PRKN: variants seen among roughly 807,000 people sequenced by gnomAD.
The protein encoded by PRKN is parkin RBR E3 ubiquitin protein ligase, also known as E3 ubiquitin-protein ligase parkin.
PRKN carries 56 observed loss-of-function variants against 59.5 expected under a neutral mutation model. That is an observed-to-expected ratio of 0.94 (90% confidence interval 0.76 to 1.18). The LOEUF (loss-of-function observed/expected upper bound fraction) is 1.18, where lower values mean the gene tolerates loss of function less well. PRKN is among the 50% of genes most tolerant of loss of function. The pLI is 0.00. For synonymous variants in PRKN, 250 were observed against 222.1 expected, an observed-to-expected ratio of 1.13 and a Z score of -1.12; for missense variants, 657 against 596.4, an observed-to-expected ratio of 1.10 and a Z score of -1.06.
chr6:162,091,675 G>C (rs1779502528), intron 4 of PRKN, among the ~76,000 whole-genome samples: 2 of 152,110 alleles, frequency 1.3e-5, no homozygotes. Context: ...AGAGAATCCA[G>C]GTATATTTGA....
At chr6:161,666,036 G>T (rs1365626824) in intron 7 of PRKN, among the ~76,000 whole-genome samples, 2 of 152,186 alleles carry the variant, frequency 1.3e-5, no homozygotes, top group Non-Finnish European at 2.9e-5. Context: ...TTCCATCCCA[G>T]CTGGGCGGCT....
intron 1 of PRKN, among the ~76,000 whole-genome samples, chr6:162,539,841 C>T (rs1447771705): frequency 6.6e-6 from 1 of 152,068 alleles, no homozygotes; most frequent in South Asian, 2.1e-4. Context: ...TAAATTAAAC[C>T]CAAAATATCA....
intron 9 of PRKN, among the ~76,000 whole-genome samples, chr6:161,398,950 G>A (rs1172394918): frequency 1.3e-5 from 2 of 152,168 alleles, no homozygotes; most frequent in East Asian, 3.9e-4. Flanking sequence ...ATGGGAACAG[G>A]CATTCCTGTT....
At chr6:162,156,985 C>G (rs1782541748) in intron 4 of PRKN, among the ~76,000 whole-genome samples, 2 of 74,968 alleles carry the variant, frequency 2.7e-5, no homozygotes, top group Non-Finnish European at 5.8e-5. Context: ...TTTATGAATA[C>G]CTGTATACAT....
At chr6:162,668,831 CT>C (rs1779208650) in intron 1 of PRKN, among the ~76,000 whole-genome samples, 2 of 152,094 alleles carry the variant, frequency 1.3e-5, no homozygotes, top group Non-Finnish European at 2.9e-5. Context: ...TTCAGCTGTA[CT>C]TCTTTCCTAT....
Position 161,731,860 on chromosome 6 carries a change from T to C in PRKN, c.871+53912A>G, listed in dbSNP as rs141648549. On this transcript the variant is annotated intron_variant, in intron 7 of 11. Coordinates refer to ENST00000366898, the MANE Select transcript of PRKN (RefSeq NM_004562.3). ...ATTGTGAATATACACACACCAAATA[T>C]AAATATTATGTTAATAACTGTGACG... Among the ~76,000 whole-genome samples, 8 of 152,334 alleles carry C rather than the reference T, an allele frequency of 5.3e-5. No homozygotes were observed. In the East Asian group the frequency reaches 1.5e-3, roughly 29 times the overall value.
At position 162,318,209 on chromosome 6, in the gene PRKN, G is replaced by A. The variant is rs528924763; in HGVS notation, c.172-55444C>T. On this transcript the variant is annotated intron_variant, in intron 2 of 11. Coordinates refer to ENST00000366898, the MANE Select transcript of PRKN (RefSeq NM_004562.3). ...GCTTATTTCACTTCGAATATTTTCC[G>A]AGTTCTTCCATGTCATAGCATGTAT... 7.2e-5 allele frequency among the ~76,000 whole-genome samples: 11 copies of A among 152,040 alleles called. No homozygotes were observed. The South Asian group carries it at 1.9e-3, about 26-fold the overall frequency.
At chr6:162,525,140 T>C (rs1778228710) in intron 1 of PRKN, among the ~76,000 whole-genome samples, 3 of 152,126 alleles carry the variant, frequency 2.0e-5, no homozygotes, top group Admixed American at 6.5e-5. Context: ...CAAGCGCCAG[T>C]TAGTCCTGCT....
At position 161,576,348 on chromosome 6, in the gene PRKN, C is replaced by A. The variant is rs1284303865; in HGVS notation, c.872-6932G>T. Among the ~76,000 whole-genome samples the A allele has an allele frequency of 1.3e-5, 2 of 152,318 alleles. No homozygotes were observed. Among genetic ancestry groups the A allele is most frequent in the Non-Finnish European group, 2.9e-5 (2 of 68,036 alleles). The stretch of plus-strand genomic sequence containing the variant: ...ATATCCTAAGCCAGTTAAGGAGAAT[C>A]TTGAAGATACTCACCTTCCACCTAA... On this transcript the variant is annotated intron_variant, in intron 7 of 11. Coordinates refer to ENST00000366898, the MANE Select transcript of PRKN (RefSeq NM_004562.3). The surrounding 1 kb of genome is among the most constrained non-coding windows in gnomAD (Gnocchi z 4.6).
intron 6 of PRKN, among the ~76,000 whole-genome samples, chr6:161,956,202 A>G (rs935468078): frequency 5.9e-5 from 9 of 152,218 alleles, no homozygotes; most frequent in African/African-American, 1.7e-4. Flanking sequence ...AACTAGAGGT[A>G]GAACTGGGTT....
chr6:161,931,264 T>C (rs574315348), intron 6 of PRKN, among the ~76,000 whole-genome samples: 1 of 152,038 alleles, frequency 6.6e-6, no homozygotes, highest in African/African-American at 2.4e-5. Context: ...GGCGAAACCC[T>C]GTCTCTACTA....
intron 1 of PRKN, among the ~76,000 whole-genome samples, chr6:162,557,976 T>G (rs1779678610): frequency 6.6e-6 from 1 of 152,202 alleles, no homozygotes; most frequent in Admixed American, 6.5e-5. Context: ...AACTTGTAAT[T>G]TTTGCCCAGT....
At chr6:162,443,953 G>A (rs764157640) in intron 1 of PRKN, among the ~76,000 whole-genome samples, 1 of 152,174 alleles carries the variant, frequency 6.6e-6, no homozygotes, top group African/African-American at 2.4e-5. Flanking sequence ...CCCACTCGGG[G>A]CTATGGCTCA....
intron 1 of PRKN, among the ~76,000 whole-genome samples, chr6:162,463,946 A>G (rs1179415961): frequency 1.3e-5 from 2 of 152,206 alleles, no homozygotes; most frequent in Non-Finnish European, 2.9e-5. Context: ...TTGGGGACTT[A>G]ATAAGCACAT....
chr6:161,594,011 A>C (rs1163933410), intron 7 of PRKN, among the ~76,000 whole-genome samples: 1 of 151,700 alleles, frequency 6.6e-6, no homozygotes, highest in Non-Finnish European at 1.5e-5. Flanking sequence ...AAAAAACAAA[A>C]ACCCAGCAGG....
chr6:161,874,133 TTATATGTAAAATATAA>T lies in PRKN; in HGVS notation c.735-88241_735-88226del, dbSNP rs1363830238. Among the ~76,000 whole-genome samples the T allele has an allele frequency of 4.2e-3, 304 of 71,728 alleles. 28 individuals carry two copies. Among genetic ancestry groups the T allele is most frequent in the African/African-American group, 0.019 (289 of 15,304 alleles). The allele number at this position is 71,728 out of a possible 152,430, so 47.1% of individuals were successfully genotyped here. ...TGTAAAATATAATATATAATATATA[TTATATGTAAAATATAA>T]TATATATTATATATAATATATAATA... On this transcript the variant is annotated intron_variant, in intron 6 of 11. Coordinates refer to ENST00000366898, the MANE Select transcript of PRKN (RefSeq NM_004562.3).
chr6:162,051,828 C>A (rs576268131), intron 5 of PRKN, among the ~76,000 whole-genome samples: 7 of 152,236 alleles, frequency 4.6e-5, no homozygotes, highest in Admixed American at 6.5e-5. Flanking sequence ...ACAGAACTGG[C>A]CTAATCTGGA....
chr6:162,063,567 CAG>C (rs1276496440), intron 4 of PRKN, among the ~76,000 whole-genome samples: 1 of 151,368 alleles, frequency 6.6e-6, no homozygotes, highest in Non-Finnish European at 1.5e-5. Context: ...TTTTTTGATA[CAG>C]AGTTTCACTC....
Position 162,322,584 on chromosome 6 carries a change from G to C in PRKN, c.172-59819C>G, listed in dbSNP as rs146068487. Among the ~76,000 whole-genome samples, 575 of 152,138 alleles carry C rather than the reference G, an allele frequency of 3.8e-3. 8 individuals are homozygous for C. The highest frequency in any genetic ancestry group is 0.024 in the East Asian group (122 of 5,162). On this transcript the variant is annotated intron_variant, in intron 2 of 11. Transcript: ENST00000366898. Reference sequence around the variant, plus strand: ...CAAGACAATGTGGAATTGACATCAAGATAAATAAATATATCAATGGAACAA... The same window carrying C: ...CAAGACAATGTGGAATTGACATCAACATAAATAAATATATCAATGGAACAA...
Sources: gnomAD v4.1 joint callset for allele counts (sites outside exome capture counted in the v4.1 genomes callset) on GRCh38, gnomAD v4.1.1 for gene constraint, Gnocchi (gnomAD v3.1) non-coding constraint, MANE v1.5 for transcripts, NCBI Gene and HGNC (gene_info 2026-07-23, HGNC 2026-07-21) for gene names.